The following P2RX4 variants were observed in gnomAD, a reference collection of about 807,000 sequenced individuals.
P2RX4 encodes the protein purinergic receptor P2X 4.
A neutral mutation model predicts 48.0 loss-of-function variants in P2RX4; 37 were observed. The observed-to-expected ratio is 0.77, with a 90% confidence interval of 0.59 to 1.01. The LOEUF (loss-of-function observed/expected upper bound fraction) is 1.01. Among genes scored for constraint, P2RX4 ranks in the 50% least tolerant of loss-of-function variants. P2RX4 has a pLI of 0.00. For missense variants in P2RX4, 501 were observed against 521.4 expected (o/e 0.96, Z 0.38); for synonymous variants, 200 against 199.7 (o/e 1.00, Z -0.01).
Position 121,232,902 on chromosome 12 carries a change from A to G in P2RX4, c.1045-95A>G. The stretch of plus-strand genomic sequence containing the variant: ...TGGGAGTGCCTTTCCATTCCGGTAA[A>G]GATTCCAGGCTTCTCAGGAAGGGGC... On this transcript the variant is annotated intron_variant, in intron 10 of 11. Transcript: ENST00000337233. The surrounding 1 kb of genome is among the most constrained non-coding windows in gnomAD (Gnocchi z 4.3). The G allele has an allele frequency of 6.2e-6, 6 of 967,878 alleles. No homozygotes were observed. Among genetic ancestry groups the G allele is most frequent in the Admixed American group, 5.1e-5 (3 of 59,226 alleles). 60.0% of individuals were successfully genotyped at this position (967,878 alleles called of 1,614,324 possible). A position where few individuals can be genotyped will look rare whatever the true frequency, so the allele number is the denominator to read the frequency against.
Position 121,233,634 on chromosome 12 carries a change from G to C in P2RX4, c.*85G>C. On this transcript the variant is annotated 3_prime_UTR_variant, in exon 12 of 12. Coordinates refer to ENST00000337233, the MANE Select transcript of P2RX4 (RefSeq NM_002560.3). ...GAGAAATGGCCACCACATCACCCCA[G>C]AGAAATTTCTGGAATCTGATTGAGT... 6.4e-7 allele frequency: 1 copy of C among 1,558,258 alleles called. No homozygotes were observed. The highest frequency in any genetic ancestry group is 8.7e-7 in the Non-Finnish European group (1 of 1,150,148).
At chr12:121,222,320 G>A in intron 4 of P2RX4, 154 bp downstream of exon 4, 1 of 628,656 alleles carries the variant, frequency 1.6e-6, no homozygotes, top group Admixed American at 2.8e-5. Flanking sequence ...TACATTCACT[G>A]CTGTCATTGG....
chr12:121,219,370 G>T (rs557547895), intron 2 of P2RX4, among the ~76,000 whole-genome samples: 22 of 152,270 alleles, frequency 1.4e-4, no homozygotes, highest in African/African-American at 5.1e-4. Flanking sequence ...CCCCAAGATG[G>T]CTCCCACTAC....
At chr12:121,218,639 G>T (rs535436094) in intron 2 of P2RX4, among the ~76,000 whole-genome samples, 1 of 152,204 alleles carries the variant, frequency 6.6e-6, no homozygotes, top group East Asian at 1.9e-4. Flanking sequence ...GTGTTTACTG[G>T]GCAGATGAGG....
chr12:121,217,301 TTCTG>T lies in P2RX4; in HGVS notation c.282+24_282+27del, dbSNP rs1262782824. The T allele has an allele frequency of 2.5e-6, 4 of 1,612,486 alleles. No individual in the cohort carries two copies. The African/African-American group carries it at 5.3e-5, about 22-fold the overall frequency. On this transcript the variant is annotated intron_variant, in intron 2 of 11. Coordinates refer to ENST00000337233, the MANE Select transcript of P2RX4 (RefSeq NM_002560.3). ...GCTCAGGTGTGTCTCCCACTGTGTCTTCTGTCTAACACTGACACCTTGCTCTTTA... is the reference window on the plus strand; with the variant it reads ...GCTCAGGTGTGTCTCCCACTGTGTCTTCTAACACTGACACCTTGCTCTTTA...
intron 1 of P2RX4, chr12:121,215,194 C>CTA (rs1886145540): frequency 6.6e-6 from 1 of 152,178 alleles, no homozygotes; most frequent in Non-Finnish European, 1.5e-5. Context: ...GGTGTCAGTA[C>CTA]TTGCTCTGTG....
In P2RX4 at chr12:121,219,787, A is replaced by G. The variant is rs571937685; in HGVS notation, c.283-2126A>G. ...ATAGGATAGATTAGATAGGTGATAG[A>G]TAATCGATAAATAGAAAACAGATGA... is the stretch of plus-strand genomic sequence containing the variant. On this transcript the variant is annotated intron_variant, in intron 2 of 11. Transcript: ENST00000337233. Among the ~76,000 whole-genome samples, 7 of 152,224 alleles carry G rather than the reference A, an allele frequency of 4.6e-5. No individual in the cohort carries two copies. The South Asian group carries it at 1.5e-3, about 32-fold the overall frequency.
intron 1 of P2RX4, 128 bp from the exon 2 acceptor site, chr12:121,217,006 C>T (rs759783935): frequency 2.7e-5 from 25 of 938,640 alleles, no homozygotes; most frequent in South Asian, 5.2e-5. Flanking sequence ...CTAGAAGGTA[C>T]GTAGCTTGTA....
intron 2 of P2RX4, among the ~76,000 whole-genome samples, chr12:121,217,772 AAAAAAGAAAAAAAAAG>A (rs1566000556): frequency 6.6e-5 from 10 of 151,054 alleles, no homozygotes. Context: ...TAAAAAAAAA[AAAAAAGAAAAAAAAAG>A]AAAAGAATTA....
Position 121,232,116 on chromosome 12 carries a change from T to C in P2RX4, c.885-298T>C, listed in dbSNP as rs577200023. Among the ~76,000 whole-genome samples the C allele has an allele frequency of 2.6e-5, 4 of 151,316 alleles. No individual in the cohort carries two copies. The highest frequency in any genetic ancestry group is 2.1e-4 in the South Asian group (1 of 4,772). ...TACTGTTAGATGTTGGAGGTCAGGGTCCCTTGAGGGAGGCAGGCAGGATGT... is the reference window on the plus strand; with the variant it reads ...TACTGTTAGATGTTGGAGGTCAGGGCCCCTTGAGGGAGGCAGGCAGGATGT... On this transcript the variant is annotated intron_variant, in intron 8 of 11. Transcript: ENST00000337233. This position sits in a 1 kb window ranked among gnomAD's most constrained non-coding sequence, Gnocchi z 4.3.
chr12:121,222,391 T>C, intron 4 of P2RX4: 1 of 554,512 alleles, frequency 1.8e-6, no homozygotes, highest in Non-Finnish European at 3.2e-6. Context: ...TGTTGTTGTT[T>C]TTTCTTGTTT....
chr12:121,231,765 A>G (rs1199062851), intron 8 of P2RX4, among the ~76,000 whole-genome samples: 3 of 152,076 alleles, frequency 2.0e-5, no homozygotes, highest in Non-Finnish European at 4.4e-5. Context: ...TTCTTTGAAA[A>G]AATAAATAAA....
Position 121,232,478 on chromosome 12 carries a change from A to G in P2RX4, c.949A>G (p.Ile317Val), listed in dbSNP as rs772678878. ...EQRTLIKAYG[I>V]RFDIIVFGKA... ...GCGCACGCTCATCAAGGCCTATGGCATCCGCTTCGACATCATTGTGTTTGG... is the reference window on the plus strand; with the variant it reads ...GCGCACGCTCATCAAGGCCTATGGCGTCCGCTTCGACATCATTGTGTTTGG... Residue 317 changes from isoleucine (I) to valine (V), a missense_variant, in exon 9 of 12, where the codon ATC (isoleucine) becomes GTC (valine). By Grantham distance (29) the Ile-to-Val change is conservative. This residue lies in a region of P2RX4 where 197 missense variants were observed against 219.5 expected (regional missense o/e 0.90). Coordinates refer to ENST00000337233, the MANE Select transcript of P2RX4 (RefSeq NM_002560.3). The surrounding 1 kb of genome is among the most constrained non-coding windows in gnomAD (Gnocchi z 4.3). The G allele has an allele frequency of 5.6e-6, 9 of 1,614,050 alleles. No individual in the cohort carries two copies. The Middle Eastern group carries it at 4.9e-4, about 88-fold the overall frequency.
Position 121,233,097 on chromosome 12 carries a change from G to GCCCCT in P2RX4, c.1140+8_1140+12dup. On this transcript the variant is annotated splice_donor_region_variant and intron_variant, in intron 11 of 11. Transcript: ENST00000337233. Reference sequence around the variant, plus strand: ...TATGTGGAAGATTACGAGCAGGTAGGCCCCTCCTGGCCCCCAGCAGGCACA... The same window carrying GCCCCT: ...TATGTGGAAGATTACGAGCAGGTAGGCCCCTCCCCTCCTGGCCCCCAGCAGGCACA... The GCCCCT allele has an allele frequency of 6.3e-7, 1 of 1,579,872 alleles. No individual in the cohort carries two copies.
At chr12:121,216,820 C>CAAAAA in intron 1 of P2RX4, 1 of 525,580 alleles carries the variant, frequency 1.9e-6, no homozygotes, top group South Asian at 2.1e-5. Flanking sequence ...AACATCGTCT[C>CAAAAA]AAAAAAAAAA....
intron 1 of P2RX4, among the ~76,000 whole-genome samples, chr12:121,212,031 T>C (rs1452640405): frequency 6.6e-6 from 1 of 152,216 alleles, no homozygotes; most frequent in East Asian, 1.9e-4. Context: ...GCCCAGGTGA[T>C]TCTCATGTTC....
In P2RX4 at chr12:121,218,254, GAGGTCGGTGTATC is replaced by G. The variant is rs760397136; in HGVS notation, c.282+975_282+987del. ...TGTAATCCCAGCACTTTGGGAGGCC[GAGGTCGGTGTATC>G]ATGAGGTCAAGAGATTGAGACCATC... On this transcript the variant is annotated intron_variant, in intron 2 of 11. Transcript: ENST00000337233. Among the ~76,000 whole-genome samples the G allele has an allele frequency of 1.3e-4, 20 of 152,200 alleles. No homozygotes were observed. The East Asian group carries it at 2.5e-3, about 19-fold the overall frequency.
intron 5 of P2RX4, among the ~76,000 whole-genome samples, chr12:121,227,008 G>A (rs1214794953): frequency 2.0e-5 from 3 of 151,936 alleles, no homozygotes; most frequent in African/African-American, 4.8e-5. Flanking sequence ...CCAGCTACTC[G>A]GGAGGCTGAG....
chr12:121,224,805 C>T (rs956774438), intron 5 of P2RX4, among the ~76,000 whole-genome samples: 2 of 151,366 alleles, frequency 1.3e-5, no homozygotes, highest in African/African-American at 4.9e-5. Context: ...CCATGAGCCC[C>T]GGGGAGCAGG....
Sources: gnomAD v4.1 joint callset for allele counts (sites outside exome capture counted in the v4.1 genomes callset) on GRCh38, gnomAD v4.1.1 for gene constraint, gnomAD v4.1.1 regional missense constraint, Gnocchi (gnomAD v3.1) non-coding constraint, MANE v1.5 for transcripts, NCBI Gene and HGNC (gene_info 2026-07-23, HGNC 2026-07-21) for gene names.